USP3: variants seen among roughly 807,000 people sequenced by gnomAD.
The protein encoded by USP3 is ubiquitin specific peptidase 3.
USP3 carries 20 observed loss-of-function variants against 72.3 expected under a neutral mutation model. That is an observed-to-expected ratio of 0.28 (90% CI 0.19 to 0.40). USP3 has a LOEUF of 0.40. Ranked by LOEUF, USP3 falls within the 10% of genes least tolerant of loss-of-function variation. The probability of loss-of-function intolerance (pLI) is 1.00; values close to 1 mark genes in which losing one functional copy is unlikely to be tolerated. For synonymous variants in USP3, 222 were observed against 225.3 expected, an observed-to-expected ratio of 0.99 and a Z score of 0.13; for missense variants, 479 against 633.9, an observed-to-expected ratio of 0.76 and a Z score of 2.62.
In USP3 at chr15:63,585,723, A is replaced by G. The variant is rs150888595; in HGVS notation, c.1097-2582A>G. The stretch of plus-strand genomic sequence containing the variant: ...TGCAAGGTCATCTGGATTTTTTCCT[A>G]TGTTATCTTCTAAAAGTTTTATACC... On this transcript the variant is annotated intron_variant, in intron 11 of 14. Transcript: ENST00000380324. Among the ~76,000 whole-genome samples the G allele has an allele frequency of 1.0e-3, 153 of 150,800 alleles. 3 individuals carry two copies. The East Asian group carries it at 0.024, about 24-fold the overall frequency.
At position 63,529,025 on chromosome 15, in the gene USP3, TTATC is replaced by T; in HGVS notation, c.92-3620_92-3617del. The T allele has an allele frequency of 7.8e-7, 1 of 1,289,068 alleles. No individual in the cohort carries two copies. Among genetic ancestry groups the T allele is most frequent in the Non-Finnish European group, 1.0e-6 (1 of 988,658 alleles). The allele number at this position is 1,289,068 out of a possible 1,614,324, so 79.9% of individuals were successfully genotyped here. Reference sequence around the variant, plus strand: ...CTGTATCTTTCTAGCCTTCAAATGTTTATCTGGTGTGACTGTATTATGCCCTCAG... The same window carrying T: ...CTGTATCTTTCTAGCCTTCAAATGTTTGGTGTGACTGTATTATGCCCTCAG... On this transcript the variant is annotated intron_variant, in intron 1 of 14. Coordinates refer to ENST00000380324, the MANE Select transcript of USP3 (RefSeq NM_006537.4). The surrounding 1 kb of genome is among the most constrained non-coding windows in gnomAD (Gnocchi z 4.2).
rs966522885 is a variant in USP3, at chr15:63,589,345, A to C, written c.1397+334A>C. ...GAAATTACTTGGAATAACTTACTCC[A>C]TATCATCTACTTTAAAGACTCATTT... is the stretch of plus-strand genomic sequence containing the variant. On this transcript the variant is annotated intron_variant, in intron 14 of 14. Coordinates refer to ENST00000380324, the MANE Select transcript of USP3 (RefSeq NM_006537.4). 2.0e-5 allele frequency among the ~76,000 whole-genome samples: 3 copies of C among 152,238 alleles called. No homozygotes were observed. The East Asian group carries it at 5.8e-4, about 29-fold the overall frequency.
chr15:63,549,156 A>G (rs569093983), intron 3 of USP3, among the ~76,000 whole-genome samples: 1 of 152,334 alleles, frequency 6.6e-6, no homozygotes, highest in South Asian at 2.1e-4. Context: ...TTTTTATATG[A>G]AATCCTTGAA....
At chr15:63,579,619 A>G (rs2066919803) in intron 11 of USP3, among the ~76,000 whole-genome samples, 1 of 152,218 alleles carries the variant, frequency 6.6e-6, no homozygotes, top group Non-Finnish European at 1.5e-5. Flanking sequence ...ATAGGAAAGC[A>G]TCTTTATTAT....
intron 14 of USP3, among the ~76,000 whole-genome samples, chr15:63,589,476 A>G (rs2067143149): frequency 6.6e-6 from 1 of 152,190 alleles, no homozygotes; most frequent in Admixed American, 6.5e-5. Flanking sequence ...CAAACTTAAG[A>G]CTACTATATG....
At chr15:63,551,310 T>TCCC (rs1426220676) in intron 3 of USP3, 2 of 152,064 alleles carry the variant, frequency 1.3e-5, no homozygotes, top group Admixed American at 6.5e-5. Flanking sequence ...TGAGTCTTTT[T>TCCC]TCTTTTCATT....
At chr15:63,576,402 A>G (rs1566914868) in intron 11 of USP3, among the ~76,000 whole-genome samples, 2 of 151,820 alleles carry the variant, frequency 1.3e-5, no homozygotes, top group African/African-American at 2.4e-5. Context: ...CCTTTTTTCT[A>G]TGTTGTTTCC....
intron 8 of USP3, among the ~76,000 whole-genome samples, chr15:63,567,667 G>A (rs191847020): frequency 6.6e-6 from 1 of 151,840 alleles, no homozygotes; most frequent in East Asian, 1.9e-4. Context: ...TTTTTTGATA[G>A]ATGGGGTTTT....
intron 3 of USP3, among the ~76,000 whole-genome samples, chr15:63,550,984 G>A (rs1293738318): frequency 6.6e-6 from 1 of 152,032 alleles, no homozygotes; most frequent in Non-Finnish European, 1.5e-5. Flanking sequence ...GAATACCCTG[G>A]CTGTATTTTT....
chr15:63,574,771 C>T lies in USP3; in HGVS notation c.1096+368C>T, dbSNP rs539603580. Among the ~76,000 whole-genome samples, 40 of 152,278 alleles carry T rather than the reference C, an allele frequency of 2.6e-4. No individual in the cohort carries two copies. The East Asian group carries it at 7.3e-3, about 28-fold the overall frequency. On this transcript the variant is annotated intron_variant, in intron 11 of 14. Coordinates refer to ENST00000380324, the MANE Select transcript of USP3 (RefSeq NM_006537.4). This position sits in a 1 kb window ranked among gnomAD's most constrained non-coding sequence, Gnocchi z 4.6. ...CAGAGTTTTATAAATTATAGTATTA[C>T]GTATTCTGTTGCCTAATAGTTTGAG...
At position 63,534,377 on chromosome 15, in the gene USP3, A is replaced by G. The variant is rs541926977; in HGVS notation, c.152+1670A>G. On this transcript the variant is annotated intron_variant, in intron 2 of 14. Coordinates refer to ENST00000380324, the MANE Select transcript of USP3 (RefSeq NM_006537.4). The stretch of plus-strand genomic sequence containing the variant: ...TCCCACTAGGAAACATAGTTTATCA[A>G]TAGCATATATGGGTTATAAATTCTG... Among the ~76,000 whole-genome samples, 6 of 152,286 alleles carry G rather than the reference A, an allele frequency of 3.9e-5. No homozygotes were observed. In the East Asian group the frequency reaches 7.7e-4, roughly 20 times the overall value.
At chr15:63,565,032 T>C (rs543151886) in intron 8 of USP3, among the ~76,000 whole-genome samples, 5 of 152,290 alleles carry the variant, frequency 3.3e-5, no homozygotes, top group Admixed American at 6.5e-5. Context: ...TCTTGATTTA[T>C]GTTTATTTAT....
chr15:63,510,750 A>G (rs1459521480), intron 1 of USP3, among the ~76,000 whole-genome samples: 2 of 152,166 alleles, frequency 1.3e-5, no homozygotes, highest in Admixed American at 1.3e-4. Context: ...TAGCATTAAC[A>G]ACAGTAACAG....
At chr15:63,512,317 TTCC>T (rs1376239981) in intron 1 of USP3, among the ~76,000 whole-genome samples, 1 of 120,862 alleles carries the variant, frequency 8.3e-6, no homozygotes, top group Admixed American at 8.3e-5. Context: ...CTTCTTCTTC[TTCC>T]TCTTCTTCCT....
chr15:63,532,731 A>G, intron 2 of USP3, 24 bp downstream of exon 2: 1 of 1,612,420 alleles, frequency 6.2e-7, no homozygotes, highest in Non-Finnish European at 8.5e-7. Flanking sequence ...TTATTACTTC[A>G]CTGACCTATT....
chr15:63,590,748 G>T lies in USP3; in HGVS notation c.1485G>T (p.Glu495Asp), dbSNP rs1318695372. Reference sequence around the variant, plus strand: ...ACAGTACTGTAACACTGACTGACGAGGAGACTGTGGTGAAGGCGAAGGCCT... The same window carrying T: ...ACAGTACTGTAACACTGACTGACGATGAGACTGTGGTGAAGGCGAAGGCCT... The part of the protein sequence containing the change: ...FNDSTVTLTD[E>D]ETVVKAKAYI... The change falls in exon 15 of 15, where the codon GAG becomes GAT. Residue 495 changes from glutamate to aspartate, a missense_variant. Coordinates refer to ENST00000380324, the MANE Select transcript of USP3 (RefSeq NM_006537.4). The T allele has an allele frequency of 6.2e-7, 1 of 1,614,142 alleles. No homozygotes were observed. Among genetic ancestry groups the T allele is most frequent in the Non-Finnish European group, 8.5e-7 (1 of 1,180,016 alleles).
At chr15:63,515,815 A>G (rs958624414) in intron 1 of USP3, among the ~76,000 whole-genome samples, 1 of 152,220 alleles carries the variant, frequency 6.6e-6, no homozygotes, top group East Asian at 1.9e-4. Flanking sequence ...AATAGTATCA[A>G]AGGGCTTAAA....
chr15:63,541,942 T>C (rs1158253582), intron 3 of USP3: 1 of 453,172 alleles, frequency 2.2e-6, no homozygotes, highest in Non-Finnish European at 2.9e-6. Flanking sequence ...GTATTAGTGT[T>C]ATGCATGGCT....
chr15:63,504,664 G>A lies in USP3; in HGVS notation c.-76G>A, dbSNP rs2065683355. On this transcript the variant is annotated 5_prime_UTR_variant, in exon 1 of 15. Transcript: ENST00000380324. ...GCCCGGCTAGAAGCGACACCAGACG[G>A]AGCCTCCGGAGTTCCTCCGCCCCCA... 7.7e-7 allele frequency: 1 copy of A among 1,302,282 alleles called. No individual in the cohort carries two copies. Among genetic ancestry groups the A allele is most frequent in the Non-Finnish European group, 1.0e-6 (1 of 966,170 alleles). The allele number at this position is 1,302,282 out of a possible 1,614,324, so 80.7% of individuals were successfully genotyped here.
Sources: gnomAD v4.1 joint callset for allele counts (sites outside exome capture counted in the v4.1 genomes callset) on GRCh38, gnomAD v4.1.1 for gene constraint, Gnocchi (gnomAD v3.1) non-coding constraint, MANE v1.5 for transcripts, NCBI Gene and HGNC (gene_info 2026-07-23, HGNC 2026-07-21) for gene names.